UVRAG: variants seen among roughly 807,000 people sequenced by gnomAD.
The protein encoded by UVRAG is UV radiation resistance associated, also known as UV radiation resistance-associated gene protein.
In UVRAG, 19 loss-of-function variants were observed where a neutral mutation model predicts 78.0. That is an observed-to-expected ratio of 0.24 (90% confidence interval 0.17 to 0.36). UVRAG has a LOEUF of 0.36. Ranked by LOEUF, UVRAG falls within the 10% of genes least tolerant of loss-of-function variation. UVRAG has a pLI of 1.00. For synonymous variants in UVRAG, 323 were observed against 324.6 expected (o/e 1.00, Z 0.05); for missense variants, 740 against 853.8 (o/e 0.87, Z 1.66).
At chr11:75,841,392 A>G (rs1440727270) in intron 1 of UVRAG, among the ~76,000 whole-genome samples, 2 of 152,218 alleles carry the variant, frequency 1.3e-5, no homozygotes, top group Non-Finnish European at 2.9e-5. Flanking sequence ...GAGTATGTAG[A>G]CAGACAGGGT....
chr11:76,053,500 A>G (rs1398463648), intron 12 of UVRAG, among the ~76,000 whole-genome samples: 1 of 151,982 alleles, frequency 6.6e-6, no homozygotes, highest in African/African-American at 2.4e-5. Context: ...AAATTCTTTC[A>G]GTTCTTCCCA....
At chr11:75,934,197 A>G (rs945132127) in intron 6 of UVRAG, among the ~76,000 whole-genome samples, 1 of 152,242 alleles carries the variant, frequency 6.6e-6, no homozygotes, top group Non-Finnish European at 1.5e-5. Context: ...AACAACATGG[A>G]TGGAACTGGA....
chr11:76,038,485 G>A (rs1446396844), intron 12 of UVRAG, among the ~76,000 whole-genome samples: 1 of 152,124 alleles, frequency 6.6e-6, no homozygotes, highest in Non-Finnish European at 1.5e-5. Flanking sequence ...CAGGACTTAT[G>A]TACATAAGTT....
At chr11:76,138,536 T>C (rs1038465078) in intron 14 of UVRAG, among the ~76,000 whole-genome samples, 3 of 152,258 alleles carry the variant, frequency 2.0e-5, no homozygotes, top group African/African-American at 7.2e-5. Flanking sequence ...ACAAACACCC[T>C]GTTCCTCTTG....
intron 13 of UVRAG, among the ~76,000 whole-genome samples, chr11:76,069,056 G>A (rs898261756): frequency 2.0e-5 from 3 of 152,238 alleles, no homozygotes; most frequent in African/African-American, 7.2e-5. Context: ...TTGAGGATTT[G>A]AATAGTCAAT....
intron 12 of UVRAG, among the ~76,000 whole-genome samples, chr11:76,061,770 C>T (rs1004171150): frequency 1.3e-5 from 2 of 152,054 alleles, no homozygotes; most frequent in Non-Finnish European, 2.9e-5. Context: ...CGCGAGGGTC[C>T]GCAGCTTCAT....
chr11:75,918,105 G>C (rs779063362), intron 6 of UVRAG, among the ~76,000 whole-genome samples: 1 of 151,158 alleles, frequency 6.6e-6, no homozygotes, highest in Non-Finnish European at 1.5e-5. Context: ...GGTGGCTCAC[G>C]CCTGTAATCC....
chr11:75,952,786 G>T (rs1428786325), intron 6 of UVRAG, among the ~76,000 whole-genome samples: 2 of 151,804 alleles, frequency 1.3e-5, no homozygotes, highest in Non-Finnish European at 2.9e-5. Context: ...TGGTATCAGG[G>T]TCATGTTGAC....
intron 6 of UVRAG, among the ~76,000 whole-genome samples, chr11:75,944,951 A>G (rs1056710818): frequency 6.6e-6 from 1 of 152,150 alleles, no homozygotes; most frequent in Non-Finnish European, 1.5e-5. Context: ...ATAATCAGTG[A>G]GATATTACTG....
chr11:75,983,439 T>C lies in UVRAG; in HGVS notation c.752T>C (p.Leu251Pro). 1 of 1,611,056 alleles carries C rather than the reference T, an allele frequency of 6.2e-7. No individual in the cohort carries two copies. Among genetic ancestry groups the C allele is most frequent in the Non-Finnish European group, 8.5e-7 (1 of 1,178,240 alleles). ...AAAATTTTGGTGCTTCAGAATGAAC[T>C]GGAACGGCAGAAGAAAGCTTTGGGA... ...QLKILVLQNE[L>P]ERQKKALGRE... The change falls in exon 8 of 15, where the codon CTG becomes CCG. Residue 251 changes from leucine to proline, a missense_variant. Transcript: ENST00000356136.
chr11:75,922,620 A>G (rs1948001615), intron 6 of UVRAG, among the ~76,000 whole-genome samples: 1 of 152,194 alleles, frequency 6.6e-6, no homozygotes, highest in Non-Finnish European at 1.5e-5. Context: ...GAAAAAGTTC[A>G]GTAGTTTGCT....
chr11:75,986,188 GA>G, intron 8 of UVRAG, among the ~76,000 whole-genome samples: 1 of 152,238 alleles, frequency 6.6e-6, no homozygotes, highest in South Asian at 2.1e-4. Context: ...TCCTTCCCAA[GA>G]AAATGATATA....
At chr11:75,957,417 GTT>G (rs895021098) in intron 6 of UVRAG, among the ~76,000 whole-genome samples, 2 of 142,292 alleles carry the variant, frequency 1.4e-5, no homozygotes, top group South Asian at 2.2e-4. Flanking sequence ...ATTGATCTTT[GTT>G]TTTTTTTTTA....
intron 12 of UVRAG, among the ~76,000 whole-genome samples, chr11:76,060,530 A>G (rs1202675572): frequency 6.6e-6 from 1 of 152,206 alleles, no homozygotes; most frequent in Non-Finnish European, 1.5e-5. Context: ...CCAAGGCCGG[A>G]GCCGGCTCCT....
intron 10 of UVRAG, 28 bp from the exon 11 acceptor site, chr11:76,008,779 T>G: frequency 7.7e-7 from 1 of 1,295,640 alleles, no homozygotes; most frequent in Non-Finnish European, 1.1e-6. Flanking sequence ...CTTTATTTAT[T>G]AATTTTATTC....
rs1351597650 is a variant in UVRAG at position 76,100,941 on chromosome 11, AT to A, written c.1306-14981del. On this transcript the variant is annotated intron_variant, in intron 13 of 14. Coordinates refer to ENST00000356136, the MANE Select transcript of UVRAG (RefSeq NM_003369.4). Reference sequence around the variant, plus strand: ...ATGTGCCTTCAAAGAACATGATCTCATTATTTTTTATGGCGGCATAATATTC... The same window carrying A: ...ATGTGCCTTCAAAGAACATGATCTCATATTTTTTATGGCGGCATAATATTC... 2.0e-5 allele frequency among the ~76,000 whole-genome samples: 3 copies of A among 152,094 alleles called. No individual in the cohort carries two copies. In the East Asian group the frequency reaches 5.8e-4, roughly 29 times the overall value.
At chr11:76,107,621 A>G (rs150226673) in intron 13 of UVRAG, among the ~76,000 whole-genome samples, 52 of 152,360 alleles carry the variant, frequency 3.4e-4, no homozygotes, top group African/African-American at 1.3e-3. Flanking sequence ...TCTTGCAACC[A>G]GAGGCCCATA....
intron 13 of UVRAG, among the ~76,000 whole-genome samples, chr11:76,107,931 T>G (rs1951999769): frequency 6.6e-6 from 1 of 152,218 alleles, no homozygotes; most frequent in African/African-American, 2.4e-5. Context: ...GTTAAATCTT[T>G]GATGCATATG....
chr11:76,090,463 AGCTTCTGGCCAGAG>A lies in UVRAG; in HGVS notation c.1305+24679_1305+24692del, dbSNP rs1490065756. On this transcript the variant is annotated intron_variant, in intron 13 of 14. Transcript: ENST00000356136. Reference sequence around the variant, plus strand: ...ACCCTCCCTGGCAGTGCCTATTTCCAGCTTCTGGCCAGAGGCTATCCTTCCCAGTCTGTCAGAAT... The same window carrying A: ...ACCCTCCCTGGCAGTGCCTATTTCCAGCTATCCTTCCCAGTCTGTCAGAAT... Among the ~76,000 whole-genome samples the A allele has an allele frequency of 2.0e-5, 3 of 152,090 alleles. No homozygotes were observed. In the East Asian group the frequency reaches 5.8e-4, roughly 29 times the overall value.
Sources: gnomAD v4.1 joint callset for allele counts (sites outside exome capture counted in the v4.1 genomes callset) on GRCh38, gnomAD v4.1.1 for gene constraint, MANE v1.5 for transcripts, NCBI Gene and HGNC (gene_info 2026-07-23, HGNC 2026-07-21) for gene names.